CSMD3: variants seen among roughly 807,000 people sequenced by gnomAD.
CSMD3 encodes the protein CUB and Sushi multiple domains 3.
Under a neutral mutation model 435.2 loss-of-function variants are expected in CSMD3, and 177 were observed. The observed-to-expected ratio is 0.41, with a 90% CI of 0.36 to 0.46. CSMD3 has a LOEUF of 0.46. Among genes scored for constraint, CSMD3 ranks in the 20% least tolerant of loss-of-function variants. CSMD3 has a pLI of 0.34. For missense variants in CSMD3, 4,265 were observed against 4,504.6 expected, an observed-to-expected ratio of 0.95 and a Z score of 1.52; for synonymous variants, 1,656 against 1,520.5, an observed-to-expected ratio of 1.09 and a Z score of -2.07.
At chr8:112,332,434 C>T (rs1349582391) in intron 45 of CSMD3, among the ~76,000 whole-genome samples, 1 of 152,106 alleles carries the variant, frequency 6.6e-6, no homozygotes, top group East Asian at 1.9e-4. Context: ...AGAAAACCAA[C>T]CTGACTGAAG....
At chr8:113,269,479 CA>C in intron 3 of CSMD3, among the ~76,000 whole-genome samples, 1 of 152,052 alleles carries the variant, frequency 6.6e-6, no homozygotes, top group African/African-American at 2.4e-5. Context: ...CATATGGAAC[CA>C]AAAAAGAGCC....
At chr8:113,127,123 G>C (rs2091156203) in intron 4 of CSMD3, among the ~76,000 whole-genome samples, 2 of 151,990 alleles carry the variant, frequency 1.3e-5, no homozygotes, top group South Asian at 4.1e-4. Context: ...GGGCAGAGCT[G>C]TGCCTTATCT....
chr8:112,313,278 G>C lies in CSMD3; in HGVS notation c.7696+628C>G, dbSNP rs539840137. Among the ~76,000 whole-genome samples, 8 of 152,214 alleles carry C rather than the reference G, an allele frequency of 5.3e-5. No homozygotes were observed. In the East Asian group the frequency reaches 1.5e-3, roughly 29 times the overall value. Reference sequence around the variant, plus strand: ...CTTTCTAAGCATCACGCAAGGAAAAGCAGTAGCGACAAAACGCTTCCGTTT... The same window carrying C: ...CTTTCTAAGCATCACGCAAGGAAAACCAGTAGCGACAAAACGCTTCCGTTT... On this transcript the variant is annotated intron_variant, in intron 49 of 70. Coordinates refer to ENST00000297405, the MANE Select transcript of CSMD3 (RefSeq NM_198123.2).
At chr8:113,429,646 C>T (rs949932563) in intron 1 of CSMD3, among the ~76,000 whole-genome samples, 6 of 152,108 alleles carry the variant, frequency 3.9e-5, no homozygotes, top group Non-Finnish European at 8.8e-5. Context: ...CATATAATTA[C>T]TAATACTAAT....
intron 1 of CSMD3, among the ~76,000 whole-genome samples, chr8:113,395,584 G>T (rs1439277669): frequency 4.1e-5 from 6 of 147,316 alleles, no homozygotes; most frequent in African/African-American, 1.5e-4. Context: ...ACTCCAGCCT[G>T]GGTAACCGAG....
chr8:112,326,958 G>T (rs1823573080), intron 45 of CSMD3, among the ~76,000 whole-genome samples: 2 of 152,128 alleles, frequency 1.3e-5, no homozygotes, highest in Admixed American at 6.6e-5. Flanking sequence ...GGAGACAGAG[G>T]TTGCAGTCAG....
chr8:112,638,953 G>C (rs2131590541), intron 20 of CSMD3, 42 bp from the exon 21 acceptor site: 1 of 1,334,084 alleles, frequency 7.5e-7, no homozygotes, highest in Non-Finnish European at 1.1e-6. Context: ...AGGTAGATCA[G>C]TAAAACACAG....
intron 3 of CSMD3, among the ~76,000 whole-genome samples, chr8:113,223,590 C>T (rs1316671953): frequency 6.7e-6 from 1 of 148,574 alleles, no homozygotes; most frequent in Non-Finnish European, 1.5e-5. Context: ...AGTTTCAAAA[C>T]ATTTTTGACA....
intron 13 of CSMD3, among the ~76,000 whole-genome samples, chr8:112,756,224 G>A (rs2077695628): frequency 6.6e-6 from 1 of 152,120 alleles, no homozygotes; most frequent in African/African-American, 2.4e-5. Context: ...CTTGTTCCAA[G>A]TATATATTTA....
At chr8:112,556,453 A>C (rs1828126757) in intron 25 of CSMD3, among the ~76,000 whole-genome samples, 2 of 152,032 alleles carry the variant, frequency 1.3e-5, no homozygotes, top group African/African-American at 2.4e-5. Flanking sequence ...ATAAATGTGT[A>C]TAATTAAAAG....
At chr8:112,832,263 A>G (rs2079898173) in intron 11 of CSMD3, among the ~76,000 whole-genome samples, 1 of 151,860 alleles carries the variant, frequency 6.6e-6, no homozygotes, top group Non-Finnish European at 1.5e-5. Context: ...TAGATAACCT[A>G]TATAATATCC....
At chr8:113,072,339 A>G (rs1297207473) in intron 5 of CSMD3, among the ~76,000 whole-genome samples, 2 of 151,714 alleles carry the variant, frequency 1.3e-5, no homozygotes, top group Non-Finnish European at 3.0e-5. Context: ...GTGGGACAGG[A>G]GTAGTGCTAG....
intron 4 of CSMD3, among the ~76,000 whole-genome samples, chr8:113,120,495 T>C (rs2090956108): frequency 6.6e-6 from 1 of 152,200 alleles, no homozygotes; most frequent in African/African-American, 2.4e-5. Flanking sequence ...ATAAAAATTC[T>C]AATATCTTTA....
At chr8:112,870,130 C>T (rs950767116) in intron 10 of CSMD3, among the ~76,000 whole-genome samples, 2 of 151,846 alleles carry the variant, frequency 1.3e-5, no homozygotes, top group Non-Finnish European at 2.9e-5. Context: ...GTTCAGGGTA[C>T]ATGCGGCAAA....
At chr8:112,762,104 T>C (rs2132152061) in intron 13 of CSMD3, among the ~76,000 whole-genome samples, 2 of 152,118 alleles carry the variant, frequency 1.3e-5, no homozygotes, top group South Asian at 2.1e-4. Context: ...CCAGATGGCA[T>C]TCTTGTGTCT....
In CSMD3 at chr8:112,680,290, G is replaced by A. The variant is rs575964451; in HGVS notation, c.2677+2152C>T. Among the ~76,000 whole-genome samples the A allele has an allele frequency of 2.0e-4, 30 of 152,252 alleles. No homozygotes were observed. The South Asian group carries it at 5.6e-3, about 28-fold the overall frequency. On this transcript the variant is annotated intron_variant, in intron 16 of 70. Transcript: ENST00000297405. ...CAAGAATCTCTTGAACCCGGGCGGC[G>A]GAGGTTGCAGTCAGCAGAAATGGTG...
intron 10 of CSMD3, among the ~76,000 whole-genome samples, chr8:112,880,885 T>C (rs2081428703): frequency 6.6e-6 from 1 of 152,062 alleles, no homozygotes; most frequent in Non-Finnish European, 1.5e-5. Context: ...AAGTCCAGTC[T>C]TATAACTTTT....
chr8:112,752,695 A>C (rs1186451719), intron 13 of CSMD3, among the ~76,000 whole-genome samples: 1 of 152,346 alleles, frequency 6.6e-6, no homozygotes, highest in East Asian at 1.9e-4. Context: ...CAAGAAAAAG[A>C]AAGACAATAT....
intron 3 of CSMD3, among the ~76,000 whole-genome samples, chr8:113,250,514 A>G (rs1349171142): frequency 1.3e-5 from 2 of 152,140 alleles, no homozygotes; most frequent in Non-Finnish European, 2.9e-5. Context: ...TGATGCTTCA[A>G]TATTGATTGT....
Sources: allele counts gnomAD v4.1 joint callset (sites outside exome capture counted in the v4.1 genomes callset), GRCh38; gene constraint gnomAD v4.1.1; transcripts MANE v1.5; gene names NCBI Gene and HGNC (gene_info 2026-07-23, HGNC 2026-07-21).